Variants in FAM186A observed in about 807,000 individuals in gnomAD.
FAM186A encodes the protein family with sequence similarity 186 member A.
In FAM186A, 163 loss-of-function variants were observed where a neutral mutation model predicts 216.8. That is an observed-to-expected ratio of 0.75 (90% CI 0.66 to 0.86). The LOEUF is 0.86. Among genes scored for constraint, FAM186A ranks in the 40% least tolerant of loss-of-function variants. The pLI, the probability that FAM186A is intolerant of heterozygous loss-of-function variation, is 0.00. For missense variants in FAM186A, 2,184 were observed against 2,746.2 expected (o/e 0.80, Z 4.58); for synonymous variants, 805 against 1,025.3 (o/e 0.79, Z 4.10).
At position 50,346,573 on chromosome 12, in the gene FAM186A, C is replaced by T. The variant is rs1942819887; in HGVS notation, c.6503+3756G>A. ...ATTTAAACATACAAAAATCGCCGGG[C>T]GTGGTGGCTCACGCCTGTAATCCCA... On this transcript the variant is annotated intron_variant, in intron 4 of 7. Coordinates refer to ENST00000327337, the MANE Select transcript of FAM186A (RefSeq NM_001145475.3). 2.0e-5 allele frequency among the ~76,000 whole-genome samples: 3 copies of T among 152,154 alleles called. No individual in the cohort carries two copies. In the South Asian group the frequency reaches 6.2e-4, roughly 32 times the overall value.
intron 4 of FAM186A, among the ~76,000 whole-genome samples, chr12:50,335,908 G>A (rs192481449): frequency 2.4e-3 from 369 of 152,012 alleles, no homozygotes; most frequent in African/African-American, 8.2e-3. Flanking sequence ...GGCAGATCAC[G>A]AGGTCAGGGG....
At chr12:50,337,248 A>G (rs1942717320) in intron 4 of FAM186A, among the ~76,000 whole-genome samples, 1 of 146,662 alleles carries the variant, frequency 6.8e-6, no homozygotes, top group Non-Finnish European at 1.5e-5. Context: ...TTAACTTCAA[A>G]CTTAGGGACT....
intron 1 of FAM186A, among the ~76,000 whole-genome samples, chr12:50,383,805 T>G (rs1213707010): frequency 6.6e-6 from 1 of 151,478 alleles, no homozygotes; most frequent in Admixed American, 6.6e-5. Flanking sequence ...GCAGCACATA[T>G]AAACCAGCCT....
Position 50,356,036 on chromosome 12 carries a change from C to T in FAM186A, c.796G>A (p.Val266Ile), listed in dbSNP as rs1476567611. 1 of 1,551,554 alleles carries T rather than the reference C, an allele frequency of 6.4e-7. No individual in the cohort carries two copies. Among genetic ancestry groups the T allele is most frequent in the South Asian group, 1.2e-5 (1 of 84,046 alleles). ...NAIKYISSTI[V>I]NLSTALSMLN... ...ATACTCAAAGCTGTAGAAAGGTTTA[C>T]TATTGTTGATGATATATATTTAATA... is the stretch of plus-strand genomic sequence containing the variant. Residue 266 changes from valine (V) to isoleucine (I), a missense_variant, in exon 4 of 8, where the codon GTA becomes ATA. Transcript: ENST00000327337.
chr12:50,347,307 G>GT (rs1268598561), intron 4 of FAM186A, among the ~76,000 whole-genome samples: 1 of 152,102 alleles, frequency 6.6e-6, no homozygotes, highest in Non-Finnish European at 1.5e-5. Flanking sequence ...CAGAAATAAC[G>GT]TATCAATTCT....
intron 7 of FAM186A, among the ~76,000 whole-genome samples, chr12:50,329,340 A>C (rs1001122537): frequency 3.3e-5 from 5 of 152,140 alleles, no homozygotes; most frequent in Admixed American, 6.6e-5. Context: ...AAATTAATTA[A>C]TTTAATCGCT....
chr12:50,394,485 T>C (rs986626940), intron 1 of FAM186A, among the ~76,000 whole-genome samples: 6 of 151,670 alleles, frequency 4.0e-5, no homozygotes, highest in Non-Finnish European at 5.9e-5. Context: ...ACCCAGGAGA[T>C]GGAGGTTGCA....
At chr12:50,395,991 C>T (rs952155445) in intron 1 of FAM186A, among the ~76,000 whole-genome samples, 10 of 151,596 alleles carry the variant, frequency 6.6e-5, no homozygotes, top group Non-Finnish European at 1.2e-4. Context: ...CTTGAACTCC[C>T]GACCTCAGTG....
chr12:50,385,324 A>G (rs1397568288), intron 1 of FAM186A, among the ~76,000 whole-genome samples: 1 of 149,874 alleles, frequency 6.7e-6, no homozygotes, highest in Non-Finnish European at 1.5e-5. Context: ...AGGCTGAGGC[A>G]GGAGAATTGC....
rs1479234906 is a variant in FAM186A at position 50,353,570 on chromosome 12, T to G, written c.3262A>C (p.Thr1088Pro). The change falls in exon 4 of 8, where the codon ACT (threonine) becomes CCT (proline). Residue 1088 changes from threonine to proline, a missense_variant. Transcript: ENST00000327337. The part of the protein sequence containing the change: ...QQAQEVGITL[T>P]PQQAQAQGIT... Reference sequence around the variant, plus strand: ...CCCTGAGCCTGGGCCTGCTGAGGAGTGAGTGTGATCCCCACTTCCTGGGCC... The same window carrying G: ...CCCTGAGCCTGGGCCTGCTGAGGAGGGAGTGTGATCCCCACTTCCTGGGCC... 1 of 1,526,996 alleles carries G rather than the reference T, an allele frequency of 6.5e-7. No homozygotes were observed. The highest frequency in any genetic ancestry group is 1.4e-5 in the African/African-American group (1 of 72,126). The allele number at this position is 1,526,996 out of a possible 1,614,324, so 94.6% of individuals were successfully genotyped here. A position where few individuals can be genotyped will look rare whatever the true frequency, so the allele number is the denominator to read the frequency against.
In FAM186A at chr12:50,355,975, C is replaced by A. The variant is rs1245087789; in HGVS notation, c.857G>T (p.Ser286Ile). 13 of 1,551,442 alleles carry A rather than the reference C, an allele frequency of 8.4e-6. No homozygotes were observed. Among genetic ancestry groups the A allele is most frequent in the Non-Finnish European group, 9.6e-6 (11 of 1,146,992 alleles). Residue 286 changes from serine (S) to isoleucine (I), a missense_variant, in exon 4 of 8, where the codon AGT becomes ATT. Transcript: ENST00000327337. The part of the protein sequence containing the change: ...NDELKCVNFQ[S>I]STVYAHETSE... ...TGTCTCATGTGCATACACAGTGGAA[C>A]TTTGGAAGTTAACACATTTTAATTC...
chr12:50,392,341 G>C (rs941630285), intron 1 of FAM186A: 1 of 154,418 alleles, frequency 6.5e-6, no homozygotes, highest in African/African-American at 2.4e-5. Flanking sequence ...GCACTGGCGC[G>C]ATCTTGGCTC....
At position 50,355,695 on chromosome 12, in the gene FAM186A, G is replaced by A. The variant is rs1942968447; in HGVS notation, c.1137C>T (p.Asp379=). The change falls in exon 4 of 8, where the codon GAC becomes GAT. Residue 379 remains aspartate (D), a synonymous_variant. Transcript: ENST00000327337. ...DTEDNMDNIL[D]KELENIVDEV... ...CATCTACAATATTTTCAAGTTCCTT[G>A]TCTAAAATATTGTCCATATTGTCCT... The A allele has an allele frequency of 1.9e-6, 3 of 1,550,810 alleles. No individual in the cohort carries two copies. Among genetic ancestry groups the A allele is most frequent in the Admixed American group, 3.9e-5 (2 of 50,842 alleles).
At chr12:50,364,857 G>A (rs543835500) in intron 1 of FAM186A, among the ~76,000 whole-genome samples, 74 of 151,844 alleles carry the variant, frequency 4.9e-4, no homozygotes, top group African/African-American at 1.6e-3. Context: ...GGCCAGCATG[G>A]TGAAACCCCG....
chr12:50,359,767 TGAAAGAAAATA>T (rs1447471963), intron 3 of FAM186A, among the ~76,000 whole-genome samples: 2 of 152,150 alleles, frequency 1.3e-5, no homozygotes, highest in East Asian at 3.8e-4. Flanking sequence ...TTATGCTAGT[TGAAAGAAAATA>T]GACAGAAAAT....
rs1490505255 is a variant in FAM186A, at chr12:50,353,223, C to T, written c.3609G>A (p.Leu1203=). The T allele has an allele frequency of 6.6e-6, 10 of 1,516,624 alleles. No homozygotes were observed. Among genetic ancestry groups the T allele is most frequent in the Admixed American group, 2.1e-5 (1 of 47,846 alleles). 93.9% of individuals were successfully genotyped at this position (1,516,624 alleles called of 1,614,324 possible). The change falls in exon 4 of 8, where the codon CTG becomes CTA. Residue 1203 remains leucine, a synonymous_variant. Transcript: ENST00000327337. ...CCTGCTGAGGGGTGAGAGAGACCCT[C>T]AGGGCCTGGGCCTGCTGAGGGGTGA... ...IPLTPQQAQA[L]RVSLTPQQAQ... is the part of the protein sequence containing the mutation.
At chr12:50,375,722 AAAAAAGAAAAAG>A (rs1208080377) in intron 1 of FAM186A, among the ~76,000 whole-genome samples, 53 of 144,880 alleles carry the variant, frequency 3.7e-4, no homozygotes, top group African/African-American at 1.3e-3. Context: ...ATCTCAAAAA[AAAAAAGAAAAAG>A]AAAAAGAAAA....
At chr12:50,370,123 C>CAAAA (rs56403101) in intron 1 of FAM186A, among the ~76,000 whole-genome samples, 15 of 38,412 alleles carry the variant, frequency 3.9e-4, no homozygotes, top group South Asian at 2.5e-3. Flanking sequence ...GACTCCATCT[C>CAAAA]AAAAAAAAAA....
At chr12:50,374,583 A>T (rs1943180031) in intron 1 of FAM186A, among the ~76,000 whole-genome samples, 1 of 152,226 alleles carries the variant, frequency 6.6e-6, no homozygotes, top group Admixed American at 6.5e-5. Flanking sequence ...GAAGTTGACA[A>T]AATTCAACAT....
Sources: allele counts gnomAD v4.1 joint callset (sites outside exome capture counted in the v4.1 genomes callset), GRCh38; gene constraint gnomAD v4.1.1; transcripts MANE v1.5; gene names NCBI Gene and HGNC (gene_info 2026-07-23, HGNC 2026-07-21).